SND1: variants seen among roughly 807,000 people sequenced by gnomAD.
The protein encoded by SND1 is staphylococcal nuclease and tudor domain containing 1, also known as staphylococcal nuclease domain-containing protein 1.
In SND1, 38 loss-of-function variants were observed where a neutral mutation model predicts 121.7. That is an observed-to-expected ratio of 0.31 (90% CI 0.24 to 0.41). The LOEUF is 0.41. Ranked by LOEUF, SND1 falls within the 10% of genes least tolerant of loss-of-function variation. The pLI, the probability that SND1 is intolerant of heterozygous loss-of-function variation, is 1.00. For missense variants in SND1, 868 were observed against 1,184.6 expected (o/e 0.73, Z 3.92); for synonymous variants, 401 against 447.4 (o/e 0.90, Z 1.31).
Position 127,953,151 on chromosome 7 carries a change from C to CGTGT in SND1, c.1669+23889_1669+23892dup, listed in dbSNP as rs59825900. Among the ~76,000 whole-genome samples, 86 of 92,338 alleles carry CGTGT rather than the reference C, an allele frequency of 9.3e-4. 2 individuals carry two copies. Among genetic ancestry groups the CGTGT allele is most frequent in the African/African-American group, 1.5e-3 (38 of 24,978 alleles). The allele number at this position is 92,338 out of a possible 152,430, so 60.6% of individuals were successfully genotyped here. A position where few individuals can be genotyped will look rare whatever the true frequency, so the allele number is the denominator to read the frequency against. On this transcript the variant is annotated intron_variant, in intron 15 of 23. Coordinates refer to ENST00000354725, the MANE Select transcript of SND1 (RefSeq NM_014390.4). ...TGCACTCCAGCCTGGGTGACAAGAC[C>CGTGT]GTGTGTGTGTGTGTGTGTGTGTGTG...
intron 10 of SND1, among the ~76,000 whole-genome samples, chr7:127,743,931 A>C (rs1480566381): frequency 6.6e-6 from 1 of 152,208 alleles, no homozygotes; most frequent in South Asian, 2.1e-4. Flanking sequence ...CCTGTATTTT[A>C]TCGACGGGCA....
intron 20 of SND1, chr7:128,086,637 G>A (rs544665680): frequency 1.4e-5 from 6 of 440,178 alleles, no homozygotes; most frequent in Admixed American, 1.1e-4. Flanking sequence ...AAGGGCATTG[G>A]GAGGAAATGG....
intron 20 of SND1, chr7:128,086,695 A>C: frequency 1.7e-6 from 1 of 584,248 alleles, no homozygotes; most frequent in South Asian, 2.0e-5. Flanking sequence ...CATGGGAACC[A>C]CTAGGTGTGC....
chr7:127,785,257 T>C (rs73236513), intron 10 of SND1, among the ~76,000 whole-genome samples: 4,746 of 152,226 alleles, frequency 0.031, 96 homozygotes, highest in Non-Finnish European at 0.045. Context: ...GAAGTCAAAG[T>C]AGAAATTAAT....
At chr7:127,851,012 C>A (rs1331853491) in intron 12 of SND1, among the ~76,000 whole-genome samples, 1 of 152,140 alleles carries the variant, frequency 6.6e-6, no homozygotes, top group Admixed American at 6.5e-5. Flanking sequence ...CTCTTTTGTT[C>A]AGATATTTCG....
chr7:127,683,178 A>C (rs1266023763), intron 1 of SND1, among the ~76,000 whole-genome samples: 1 of 152,096 alleles, frequency 6.6e-6, no homozygotes, highest in Non-Finnish European at 1.5e-5. Flanking sequence ...TGGCAGATGA[A>C]GTGGAAATAG....
intron 13 of SND1, among the ~76,000 whole-genome samples, chr7:127,900,331 T>G (rs1026067719): frequency 1.3e-5 from 2 of 152,212 alleles, no homozygotes; most frequent in Non-Finnish European, 2.9e-5. Context: ...GTCGTTGAAT[T>G]GGCAGTAAGA....
chr7:127,666,642 A>T (rs748436376), intron 1 of SND1, among the ~76,000 whole-genome samples: 1 of 152,164 alleles, frequency 6.6e-6, no homozygotes, highest in African/African-American at 2.4e-5. Flanking sequence ...TAGTGATAGC[A>T]TAGGGAAGGT....
chr7:127,808,163 C>CTT (rs11418632), intron 11 of SND1, among the ~76,000 whole-genome samples: 4,015 of 125,542 alleles, frequency 0.032, 143 homozygotes, highest in African/African-American at 0.066. Flanking sequence ...TTGATGGCTT[C>CTT]TTTTTTTTTT....
intron 10 of SND1, among the ~76,000 whole-genome samples, chr7:127,722,941 A>G (rs1243265267): frequency 2.0e-5 from 3 of 152,196 alleles, no homozygotes; most frequent in African/African-American, 7.2e-5. Flanking sequence ...GCCTCATTGC[A>G]CAGAGTAAAT....
At chr7:128,030,473 G>C in intron 16 of SND1, 1 of 1,613,598 alleles carries the variant, frequency 6.2e-7, no homozygotes, top group Non-Finnish European at 8.5e-7. Flanking sequence ...CCACCTTGCT[G>C]AACTGGTTAC....
At chr7:127,745,503 G>T (rs1191228133) in intron 10 of SND1, among the ~76,000 whole-genome samples, 4 of 152,128 alleles carry the variant, frequency 2.6e-5, no homozygotes, top group African/African-American at 9.7e-5. Flanking sequence ...TAAGAATCTT[G>T]CTGTTTTTTA....
Position 128,056,849 on chromosome 7 carries a change from A to T in SND1, c.1780-17653A>T, listed in dbSNP as rs556081526. 1.2e-4 allele frequency among the ~76,000 whole-genome samples: 19 copies of T among 152,380 alleles called. No individual in the cohort carries two copies. In the South Asian group the frequency reaches 3.5e-3, roughly 28 times the overall value. ...AGATTAATAACAATAATAATAAAAC[A>T]GAACAATTATAACAATATGCCAGCA... On this transcript the variant is annotated intron_variant, in intron 16 of 23. Coordinates refer to ENST00000354725, the MANE Select transcript of SND1 (RefSeq NM_014390.4).
chr7:127,677,746 G>T (rs935297985), intron 1 of SND1, among the ~76,000 whole-genome samples: 1 of 152,114 alleles, frequency 6.6e-6, no homozygotes, highest in Admixed American at 6.5e-5. Context: ...ATACTCTTTT[G>T]CATGTTACAT....
At chr7:127,943,518 CA>C (rs1801262766) in intron 15 of SND1, among the ~76,000 whole-genome samples, 1 of 152,194 alleles carries the variant, frequency 6.6e-6, no homozygotes, top group South Asian at 2.1e-4. Context: ...AGGCTCCAGA[CA>C]TAGGCCTTTG....
chr7:128,082,884 C>T (rs1793629820), intron 18 of SND1, among the ~76,000 whole-genome samples: 5 of 152,154 alleles, frequency 3.3e-5, no homozygotes, highest in Admixed American at 1.3e-4. Flanking sequence ...CAGAACAAGC[C>T]CCTGAAGTCT....
intron 10 of SND1, among the ~76,000 whole-genome samples, chr7:127,722,151 T>C (rs1796505668): frequency 6.6e-6 from 1 of 152,166 alleles, no homozygotes. Flanking sequence ...CCCGCTTCTG[T>C]TTTTGTCGTC....
In SND1 at chr7:127,718,493, C is replaced by T. The variant is rs571048556; in HGVS notation, c.1039-2794C>T. On this transcript the variant is annotated intron_variant, in intron 9 of 23. Coordinates refer to ENST00000354725, the MANE Select transcript of SND1 (RefSeq NM_014390.4). The stretch of plus-strand genomic sequence containing the variant: ...CCCCACTTATACACACACGCGGACA[C>T]GCACGCATGCACTCACCCTTCCTAT... 54 of 803,244 alleles carry T rather than the reference C, an allele frequency of 6.7e-5. 1 individual carries two copies. Among genetic ancestry groups the T allele is most frequent in the African/African-American group, 6.3e-4 (34 of 53,594 alleles). The allele number at this position is 803,244 out of a possible 1,614,324, so 49.8% of individuals were successfully genotyped here. A position where few individuals can be genotyped will look rare whatever the true frequency, so the allele number is the denominator to read the frequency against.
In SND1 at chr7:128,006,408, C is replaced by G. The variant is rs960765325; in HGVS notation, c.1779+15352C>G. 4.6e-5 allele frequency among the ~76,000 whole-genome samples: 7 copies of G among 152,176 alleles called. No individual in the cohort carries two copies. In the East Asian group the frequency reaches 1.3e-3, roughly 29 times the overall value. ...GGGAAAGGTAATGGGGTATCCTCCC[C>G]CCACCTCCCAAATAGGACAGTTAGC... On this transcript the variant is annotated intron_variant, in intron 16 of 23. Coordinates refer to ENST00000354725, the MANE Select transcript of SND1 (RefSeq NM_014390.4).
Sources: allele counts gnomAD v4.1 joint callset (sites outside exome capture counted in the v4.1 genomes callset), GRCh38; gene constraint gnomAD v4.1.1; transcripts MANE v1.5; gene names NCBI Gene and HGNC (gene_info 2026-07-23, HGNC 2026-07-21).